GARRE1: variants seen among roughly 807,000 people sequenced by gnomAD.
GARRE1 encodes the protein granule associated Rac and RHOG effector protein 1.
A neutral mutation model predicts 103.2 loss-of-function variants in GARRE1; 49 were observed. The observed-to-expected ratio is 0.47, with a 90% CI of 0.38 to 0.60. The LOEUF (loss-of-function observed/expected upper bound fraction) is 0.60, where lower values mean the gene tolerates loss of function less well. GARRE1 is among the 20% of genes least tolerant of loss of function. The pLI, the probability that GARRE1 is intolerant of heterozygous loss-of-function variation, is 0.00. For synonymous variants in GARRE1, 505 were observed against 532.8 expected (o/e 0.95, Z 0.72); for missense variants, 1,199 against 1,370.5 (o/e 0.87, Z 1.98).
chr19:34,325,126 C>G (rs1669263), intron 3 of GARRE1, among the ~76,000 whole-genome samples: 117,792 of 151,988 alleles, frequency 0.78, 46,230 homozygotes, highest in African/African-American at 0.82. Context: ...CAAGAACCAA[C>G]CTTTCTTTCC....
Position 34,272,701 on chromosome 19 carries a change from G to A in GARRE1, c.-796+18087G>A, listed in dbSNP as rs2073794969. Among the ~76,000 whole-genome samples, 4 of 152,302 alleles carry A rather than the reference G, an allele frequency of 2.6e-5. No homozygotes were observed. In the South Asian group the frequency reaches 8.3e-4, roughly 32 times the overall value. On this transcript the variant is annotated intron_variant, in intron 1 of 13. Coordinates refer to ENST00000299505, the MANE Select transcript of GARRE1 (RefSeq NM_014686.5). The stretch of plus-strand genomic sequence containing the variant: ...GCTGGAAGCCTTAACCATCTTCTAG[G>A]AGTGGTAAGCAGAGTGCCATGGTCT...
intron 2 of GARRE1, among the ~76,000 whole-genome samples, chr19:34,308,888 G>A (rs1038953782): frequency 2.6e-5 from 4 of 152,156 alleles, no homozygotes; most frequent in African/African-American, 9.7e-5. Context: ...GGCCAACAGT[G>A]GAGGATGAAA....
intron 2 of GARRE1, among the ~76,000 whole-genome samples, chr19:34,313,926 G>C (rs746215955): frequency 3.7e-4 from 57 of 152,004 alleles, no homozygotes; most frequent in Non-Finnish European, 7.5e-4. Context: ...TCAGCCTCCC[G>C]AGTAGTTGGA....
chr19:34,326,927 G>A (rs113637561), intron 3 of GARRE1, among the ~76,000 whole-genome samples: 5 of 152,078 alleles, frequency 3.3e-5, no homozygotes, highest in African/African-American at 1.2e-4. Context: ...GGCCGAGGTG[G>A]GTGGATCACC....
rs935614221 is a variant in GARRE1, at chr19:34,354,318, T to C, written c.*1363T>C. The C allele has an allele frequency of 9.8e-5, 15 of 152,310 alleles. No individual in the cohort carries two copies. Among genetic ancestry groups the C allele is most frequent in the African/African-American group, 2.2e-4 (9 of 41,578 alleles). 9.4% of individuals were successfully genotyped at this position (152,310 alleles called of 1,614,324 possible). A position where few individuals can be genotyped will look rare whatever the true frequency, so the allele number is the denominator to read the frequency against. On this transcript the variant is annotated 3_prime_UTR_variant, in exon 14 of 14. Transcript: ENST00000299505. ...TCCATATAAGCTTTTCCAGCAAAGA[T>C]TGTAATAACACATTTATGTTCTCGT...
intron 2 of GARRE1, among the ~76,000 whole-genome samples, chr19:34,304,145 T>C (rs960738351): frequency 1.3e-5 from 2 of 151,538 alleles, no homozygotes; most frequent in Admixed American, 1.3e-4. Flanking sequence ...CAGGCTGGAG[T>C]GCATTGGCGA....
intron 10 of GARRE1, among the ~76,000 whole-genome samples, chr19:34,344,881 G>A (rs7246973): frequency 6.7e-6 from 1 of 150,174 alleles, no homozygotes. Flanking sequence ...CTACCGCCCC[G>A]AGGCTGGAGT....
chr19:34,328,427 G>T (rs1299167113), intron 6 of GARRE1, among the ~76,000 whole-genome samples: 1 of 151,302 alleles, frequency 6.6e-6, no homozygotes, highest in Non-Finnish European at 1.5e-5. Flanking sequence ...TGTTCGGGAA[G>T]CTGAGGCTGG....
At chr19:34,292,817 G>A (rs1367159127) in intron 1 of GARRE1, among the ~76,000 whole-genome samples, 1 of 151,614 alleles carries the variant, frequency 6.6e-6, no homozygotes, top group African/African-American at 2.4e-5. Context: ...TCACTGCAAG[G>A]CTCCGCCTTC....
At chr19:34,298,745 T>C (rs936885272) in intron 1 of GARRE1, among the ~76,000 whole-genome samples, 3 of 152,150 alleles carry the variant, frequency 2.0e-5, no homozygotes, top group Non-Finnish European at 4.4e-5. Context: ...ATGTGGTAAA[T>C]GTGACTTTCA....
In GARRE1 at chr19:34,300,990, A is replaced by G. The variant is rs376530523; in HGVS notation, c.495+22A>G. On this transcript the variant is annotated intron_variant, in intron 2 of 13. Coordinates refer to ENST00000299505, the MANE Select transcript of GARRE1 (RefSeq NM_014686.5). Reference sequence around the variant, plus strand: ...TGAGGTAGAGTATCTTTTGTGTCATACTTGTGTAGGAAAATATACTACAAA... The same window carrying G: ...TGAGGTAGAGTATCTTTTGTGTCATGCTTGTGTAGGAAAATATACTACAAA... The G allele has an allele frequency of 6.2e-5, 98 of 1,578,402 alleles. No individual in the cohort carries two copies. In the South Asian group the frequency reaches 9.6e-4, roughly 15 times the overall value.
Position 34,300,939 on chromosome 19 carries a change from C to A in GARRE1, c.466C>A (p.Gln156Lys). Residue 156 changes from glutamine to lysine, a missense_variant, in exon 2 of 14, where the codon CAG (glutamine) becomes AAG (lysine). Physicochemically the swap from Gln to Lys is moderately conservative, Grantham distance 53 (BLOSUM62 1). Transcript: ENST00000299505. ...TGCTGGGGCTGCAAATTTTACGGAT[C>A]AGAAGGAATTCAGTCTCCAGGACAT... Reference protein sequence around the residue: ...LSAGAANFTDQKEFSLQDIEV... With the variant: ...LSAGAANFTDKKEFSLQDIEV... 1 of 1,603,104 alleles carries A rather than the reference C, an allele frequency of 6.2e-7. No individual in the cohort carries two copies.
chr19:34,272,692 A>G (rs1018730178), intron 1 of GARRE1, among the ~76,000 whole-genome samples: 1 of 152,146 alleles, frequency 6.6e-6, no homozygotes, highest in Non-Finnish European at 1.5e-5. Flanking sequence ...AGCCTTAACC[A>G]TCTTCTAGGA....
In GARRE1 at chr19:34,299,978, C is replaced by G. The variant is rs894474707; in HGVS notation, c.-496C>G. ...AAAATTCTGCAGAAGTTTGATCTTC[C>G]TTCTTAAGGACTTTGTGTGAAGTAA... On this transcript the variant is annotated 5_prime_UTR_variant, in exon 2 of 14. Coordinates refer to ENST00000299505, the MANE Select transcript of GARRE1 (RefSeq NM_014686.5). 2.0e-5 allele frequency: 3 copies of G among 152,408 alleles called. No homozygotes were observed. The highest frequency in any genetic ancestry group is 7.2e-5 in the African/African-American group (3 of 41,414). The allele number at this position is 152,408 out of a possible 1,614,324, so 9.4% of individuals were successfully genotyped here.
chr19:34,330,842 C>A (rs2074134382), intron 7 of GARRE1, among the ~76,000 whole-genome samples: 1 of 148,200 alleles, frequency 6.7e-6, no homozygotes, highest in Admixed American at 7.0e-5. Context: ...TCAAGTGATT[C>A]TCCTGCCTCA....
chr19:34,327,937 T>C, intron 5 of GARRE1, 53 bp from the exon 6 acceptor site: 1 of 1,613,824 alleles, frequency 6.2e-7, no homozygotes, highest in Non-Finnish European at 8.5e-7. Flanking sequence ...AACCAAGTGT[T>C]TTGACAGATG....
At chr19:34,350,880 C>T (rs1338893377) in intron 12 of GARRE1, among the ~76,000 whole-genome samples, 3 of 152,042 alleles carry the variant, frequency 2.0e-5, no homozygotes, top group Non-Finnish European at 4.4e-5. Context: ...CGCACCCGGC[C>T]GGAAACAGTA....
chr19:34,264,555 T>C (rs933408102), intron 1 of GARRE1, among the ~76,000 whole-genome samples: 30 of 152,218 alleles, frequency 2.0e-4, no homozygotes, highest in East Asian at 5.8e-4. Flanking sequence ...CCCGCCACCA[T>C]GCCTGGCTAA....
intron 1 of GARRE1, among the ~76,000 whole-genome samples, chr19:34,266,136 AC>A (rs944369905): frequency 5.3e-5 from 8 of 152,270 alleles, no homozygotes; most frequent in Admixed American, 3.3e-4. Context: ...AGTGCTATGC[AC>A]TTAGGAGAAC....
Sources: gnomAD v4.1 joint callset for allele counts (sites outside exome capture counted in the v4.1 genomes callset) on GRCh38, gnomAD v4.1.1 for gene constraint, MANE v1.5 for transcripts, NCBI Gene and HGNC (gene_info 2026-07-23, HGNC 2026-07-21) for gene names.